The following LRRC4C variants were observed in gnomAD, a reference collection of about 807,000 sequenced individuals.
LRRC4C encodes the protein leucine rich repeat containing 4C.
Under a neutral mutation model 33.6 loss-of-function variants are expected in LRRC4C, and 5 were observed. The observed-to-expected ratio is 0.15, with a 90% CI of 0.08 to 0.31. The LOEUF (loss-of-function observed/expected upper bound fraction) is 0.31. Ranked by LOEUF, LRRC4C falls within the 10% of genes least tolerant of loss-of-function variation. The pLI is 1.00. For missense variants in LRRC4C, 560 were observed against 796.7 expected, an observed-to-expected ratio of 0.70 and a Z score of 3.58; for synonymous variants, 329 against 302.0, an observed-to-expected ratio of 1.09 and a Z score of -0.93.
At chr11:41,154,014 G>A (rs1195778389) in intron 1 of LRRC4C, among the ~76,000 whole-genome samples, 1 of 152,154 alleles carries the variant, frequency 6.6e-6, no homozygotes, top group Non-Finnish European at 1.5e-5. Context: ...GATGCACGCT[G>A]TAAGGAATAT....
rs190382593 is a variant in LRRC4C, at chr11:40,225,562, G to A, written c.-96+15957C>T. 2.6e-5 allele frequency among the ~76,000 whole-genome samples: 4 copies of A among 151,882 alleles called. No individual in the cohort carries two copies. In the East Asian group the frequency reaches 7.8e-4, roughly 29 times the overall value. ...ATAAACACTTCCTTCCTCATCTCTG[G>A]AGGATTGCTTTCTACACAGCAAACG... On this transcript the variant is annotated intron_variant, in intron 5 of 6. Coordinates refer to ENST00000528697, the MANE Select transcript of LRRC4C (RefSeq NM_001258419.2).
intron 2 of LRRC4C, among the ~76,000 whole-genome samples, chr11:40,709,944 T>G (rs1370767363): frequency 6.6e-6 from 1 of 152,186 alleles, no homozygotes; most frequent in Non-Finnish European, 1.5e-5. Flanking sequence ...AATTTGATCT[T>G]CAGTCACTGA....
At chr11:40,762,180 G>C (rs1949247820) in intron 2 of LRRC4C, among the ~76,000 whole-genome samples, 2 of 152,134 alleles carry the variant, frequency 1.3e-5, no homozygotes, top group African/African-American at 4.8e-5. Context: ...GCTGATGTAG[G>C]CTAATGACGT....
chr11:40,852,814 G>C (rs1206239850), intron 2 of LRRC4C, among the ~76,000 whole-genome samples: 1 of 152,034 alleles, frequency 6.6e-6, no homozygotes, highest in Non-Finnish European at 1.5e-5. Context: ...AAGTCAAAAT[G>C]GAAATTTTCT....
chr11:41,233,726 T>G (rs1328382891), intron 1 of LRRC4C, among the ~76,000 whole-genome samples: 2 of 152,040 alleles, frequency 1.3e-5, no homozygotes, highest in African/African-American at 4.8e-5. Context: ...CACTCAGATA[T>G]GAGAATATAG....
intron 5 of LRRC4C, among the ~76,000 whole-genome samples, chr11:40,146,852 T>C (rs1857773509): frequency 6.6e-6 from 1 of 152,168 alleles, no homozygotes; most frequent in Admixed American, 6.5e-5. Context: ...CACTGGTATC[T>C]AGATACTGTG....
intron 3 of LRRC4C, among the ~76,000 whole-genome samples, chr11:40,470,307 G>C (rs989775917): frequency 6.6e-6 from 1 of 152,108 alleles, no homozygotes. Context: ...CTGTTAGAAG[G>C]AAAGCTAACA....
chr11:41,093,590 C>T (rs1034913390), intron 1 of LRRC4C, among the ~76,000 whole-genome samples: 2 of 151,950 alleles, frequency 1.3e-5, no homozygotes, highest in African/African-American at 4.8e-5. Context: ...ACACTGGGCC[C>T]TTTGAACAGC....
intron 1 of LRRC4C, among the ~76,000 whole-genome samples, chr11:40,935,702 A>G (rs1957849286): frequency 6.6e-6 from 1 of 152,034 alleles, no homozygotes; most frequent in African/African-American, 2.4e-5. Context: ...GCCTAATGAC[A>G]CATATTTTTA....
intron 2 of LRRC4C, among the ~76,000 whole-genome samples, chr11:40,718,397 G>A (rs1374723476): frequency 1.3e-5 from 2 of 152,126 alleles, no homozygotes; most frequent in African/African-American, 4.8e-5. Flanking sequence ...CCTGGGGTGC[G>A]AGAAAGCAAG....
At chr11:41,018,317 G>C (rs965214707) in intron 1 of LRRC4C, among the ~76,000 whole-genome samples, 20 of 152,028 alleles carry the variant, frequency 1.3e-4, no homozygotes, top group Admixed American at 7.9e-4. Flanking sequence ...TTCTAGATCA[G>C]CACCAAAATC....
At chr11:41,094,530 TA>T (rs1047002202) in intron 1 of LRRC4C, among the ~76,000 whole-genome samples, 1 of 151,862 alleles carries the variant, frequency 6.6e-6, no homozygotes, top group Non-Finnish European at 1.5e-5. Context: ...TCTCAAAAAA[TA>T]AAAAAATAAT....
At chr11:41,018,537 C>T (rs1176381887) in intron 1 of LRRC4C, among the ~76,000 whole-genome samples, 1 of 152,126 alleles carries the variant, frequency 6.6e-6, no homozygotes, top group Non-Finnish European at 1.5e-5. Flanking sequence ...TCGGCATCTT[C>T]ATTTTATTTC....
intron 2 of LRRC4C, among the ~76,000 whole-genome samples, chr11:40,924,448 T>G (rs1422400888): frequency 6.7e-6 from 1 of 148,846 alleles, no homozygotes; most frequent in Non-Finnish European, 1.5e-5. Context: ...ATACTAGTAG[T>G]CTGGGCAACA....
intron 2 of LRRC4C, among the ~76,000 whole-genome samples, chr11:40,724,874 T>C (rs995671131): frequency 2.0e-5 from 3 of 152,020 alleles, no homozygotes; most frequent in African/African-American, 4.8e-5. Context: ...AAAAAGAAGA[T>C]ACAAATAAGC....
intron 5 of LRRC4C, among the ~76,000 whole-genome samples, chr11:40,230,207 A>AATTTAAATTT (rs1466159071): frequency 1.3e-5 from 2 of 152,174 alleles, no homozygotes; most frequent in African/African-American, 4.8e-5. Flanking sequence ...AGATCAATAG[A>AATTTAAATTT]ATTTAAATTT....
At chr11:40,700,325 A>C (rs1300253529) in intron 2 of LRRC4C, among the ~76,000 whole-genome samples, 4 of 152,112 alleles carry the variant, frequency 2.6e-5, no homozygotes, top group African/African-American at 4.8e-5. Context: ...CATTTATTGT[A>C]ATATTCATTT....
At position 40,382,693 on chromosome 11, in the gene LRRC4C, T is replaced by C. The variant is rs1414920036; in HGVS notation, c.-269-62972A>G. Reference sequence around the variant, plus strand: ...ACTAAAACTTGTACTCATTTTTTTTTTTTTTTTTTTTTTTTTTTGAGACAG... The same window carrying C: ...ACTAAAACTTGTACTCATTTTTTTTCTTTTTTTTTTTTTTTTTTGAGACAG... On this transcript the variant is annotated intron_variant, in intron 3 of 6. Coordinates refer to ENST00000528697, the MANE Select transcript of LRRC4C (RefSeq NM_001258419.2). Among the ~76,000 whole-genome samples the C allele has an allele frequency of 1.0e-3, 133 of 130,626 alleles. 1 individual carries two copies. Among genetic ancestry groups the C allele is most frequent in the African/African-American group, 4.1e-3 (131 of 32,136 alleles). The allele number at this position is 130,626 out of a possible 152,430, so 85.7% of individuals were successfully genotyped here. A position where few individuals can be genotyped will look rare whatever the true frequency, so the allele number is the denominator to read the frequency against.
chr11:41,362,836 G>T (rs1952404707), intron 1 of LRRC4C, among the ~76,000 whole-genome samples: 3 of 151,764 alleles, frequency 2.0e-5, no homozygotes, highest in Admixed American at 1.3e-4. Flanking sequence ...TTCACAGCCA[G>T]CAGTATAAAA....
Sources: gnomAD v4.1 joint callset for allele counts (sites outside exome capture counted in the v4.1 genomes callset) on GRCh38, gnomAD v4.1.1 for gene constraint, MANE v1.5 for transcripts, NCBI Gene and HGNC (gene_info 2026-07-23, HGNC 2026-07-21) for gene names.